NPY1R: variants seen among roughly 807,000 people sequenced by gnomAD.
The protein encoded by NPY1R is neuropeptide Y receptor Y1, also known as neuropeptide Y receptor type 1.
In NPY1R, 10 loss-of-function variants were observed where a neutral mutation model predicts 24.1. That is an observed-to-expected ratio of 0.42 (90% CI 0.26 to 0.71). The LOEUF is 0.71. NPY1R is among the 30% of genes least tolerant of loss of function. NPY1R has a pLI of 0.28. For missense variants in NPY1R, 350 were observed against 458.0 expected (o/e 0.76, Z 2.15); for synonymous variants, 168 against 165.9 (o/e 1.01, Z -0.10).
chr4:163,329,309 G>A (rs1734676262), intron 1 of NPY1R, among the ~76,000 whole-genome samples: 1 of 152,074 alleles, frequency 6.6e-6, no homozygotes, highest in Admixed American at 6.6e-5. Context: ...AACAAAGCAA[G>A]AAAGAGGGAC....
In NPY1R at chr4:163,325,988, A is replaced by G. The variant is rs966733858; in HGVS notation, c.567T>C (p.Leu189=). The change falls in exon 2 of 3, where the codon CTT becomes CTC. Residue 189 remains leucine, a synonymous_variant. Coordinates refer to ENST00000296533, the MANE Select transcript of NPY1R (RefSeq NM_000909.6). ...MTDEPFQNVT[L]DAYKDKYVCF... Reference sequence around the variant, plus strand: ...ACACGTATTTGTCTTTGTACGCATCAAGTGTTACATTTTGGAACGGCTCAT... The same window carrying G: ...ACACGTATTTGTCTTTGTACGCATCGAGTGTTACATTTTGGAACGGCTCAT... The G allele has an allele frequency of 3.7e-6, 6 of 1,614,010 alleles. No homozygotes were observed. The African/African-American group carries it at 4.0e-5, about 11-fold the overall frequency.
intron 1 of NPY1R, among the ~76,000 whole-genome samples, chr4:163,328,087 G>GGTT (rs1553970550): frequency 1.2e-3 from 70 of 57,364 alleles, no homozygotes; most frequent in African/African-American, 2.2e-3. Flanking sequence ...TAGAACATGA[G>GGTT]TTTTTTTTTT....
At chr4:163,336,443 CA>C (rs1734841890), upstream of NPY1R, among the ~76,000 whole-genome samples, 1 of 151,984 alleles carries the variant, frequency 6.6e-6, no homozygotes, top group Admixed American at 6.6e-5. Context: ...TTTGAAGAGA[CA>C]AAATAAAAAT....
At chr4:163,330,579 T>C (rs901541593) in intron 1 of NPY1R, 1 of 152,174 alleles carries the variant, frequency 6.6e-6, no homozygotes, top group Middle Eastern at 3.2e-3. Flanking sequence ...AATTTGATAT[T>C]TACTATTCTA....
rs1734590328 is a variant in NPY1R, at chr4:163,325,749, G to GTA, written c.707_708dup (p.Arg237TyrfsTer3). On this transcript the variant is annotated frameshift_variant, in exon 3 of 3. Transcript: ENST00000296533. LOFTEE classifies it high-confidence loss of function. ...ATCATGTTGTTTCTCCTTTTTAGGC[G>GTA]TATATATATCTATGGAAGAAAAAAG... 2 of 1,588,564 alleles carry GTA rather than the reference G, an allele frequency of 1.3e-6. No individual in the cohort carries two copies. The highest frequency in any genetic ancestry group is 1.7e-6 in the Non-Finnish European group (2 of 1,166,994).
At position 163,326,486 on chromosome 4, in the gene NPY1R, G is replaced by A. The variant is rs76092947; in HGVS notation, c.69C>T (p.Ala23=). ...SVHSNFSEKN[A]QLLAFENDDC... ...CATCATTTTCAAAAGCCAGAAGCTG[G>A]GCATTCTTCTCTGAGAAATTAGAGT... The change falls in exon 2 of 3, where the codon GCC becomes GCT. Residue 23 remains alanine, a synonymous_variant. Transcript: ENST00000296533. 8.1e-6 allele frequency: 13 copies of A among 1,613,220 alleles called. No individual in the cohort carries two copies. Among genetic ancestry groups the A allele is most frequent in the Non-Finnish European group, 1.0e-5 (12 of 1,179,602 alleles).
At chr4:163,329,061 G>A (rs559561078) in intron 1 of NPY1R, among the ~76,000 whole-genome samples, 21 of 152,132 alleles carry the variant, frequency 1.4e-4, no homozygotes, top group South Asian at 6.2e-4. Context: ...CACAACAGCC[G>A]TACTCCTAGG....
chr4:163,334,366 G>C (rs1314081204), upstream of NPY1R, among the ~76,000 whole-genome samples: 3 of 152,200 alleles, frequency 2.0e-5, no homozygotes, highest in Middle Eastern at 3.2e-3. Flanking sequence ...ACTAATAAAG[G>C]CATGTCTGCC....
chr4:163,340,574 A>T (rs1023268889), intron 1 of NPY1R, among the ~76,000 whole-genome samples: 3 of 152,038 alleles, frequency 2.0e-5, no homozygotes, highest in African/African-American at 7.2e-5. Flanking sequence ...TTTTCTACAC[A>T]TATGTTTGTA....
In NPY1R at chr4:163,324,873, G is replaced by A. The variant is rs1000593981; in HGVS notation, c.*430C>T. On this transcript the variant is annotated 3_prime_UTR_variant, in exon 3 of 3. Transcript: ENST00000296533. ...TACTATTGTAACACACTAAAATGAT[G>A]CCTATCATAAAGTAAGGATGGCCCA... is the stretch of plus-strand genomic sequence containing the variant. 10 of 160,776 alleles carry A rather than the reference G, an allele frequency of 6.2e-5. No homozygotes were observed. The highest frequency in any genetic ancestry group is 2.2e-4 in the African/African-American group (9 of 41,566). 10.0% of individuals were successfully genotyped at this position (160,776 alleles called of 1,614,324 possible). A position where few individuals can be genotyped will look rare whatever the true frequency, so the allele number is the denominator to read the frequency against.
At chr4:163,343,076 G>A (rs1191286386) in intron 1 of NPY1R, among the ~76,000 whole-genome samples, 4 of 151,236 alleles carry the variant, frequency 2.6e-5, no homozygotes, top group Non-Finnish European at 5.9e-5. Flanking sequence ...AAGCAAACCT[G>A]CGCAATACAG....
At chr4:163,327,582 C>T (rs1015098051) in intron 1 of NPY1R, among the ~76,000 whole-genome samples, 3 of 152,084 alleles carry the variant, frequency 2.0e-5, no homozygotes, top group Non-Finnish European at 4.4e-5. Context: ...GTGGGAGATT[C>T]TAACTTTAAG....
intron 1 of NPY1R, among the ~76,000 whole-genome samples, chr4:163,331,435 A>C (rs1734724928): frequency 6.6e-6 from 1 of 152,072 alleles, no homozygotes; most frequent in Non-Finnish European, 1.5e-5. Context: ...CACCTTTTTC[A>C]TATTGCGTAA....
intron 1 of NPY1R, among the ~76,000 whole-genome samples, chr4:163,343,024 G>A (rs1735043937): frequency 8.1e-6 from 1 of 123,852 alleles, no homozygotes; most frequent in Non-Finnish European, 1.8e-5. Flanking sequence ...ACACACGCGC[G>A]CGCGCCTAAA....
chr4:163,337,663 A>T (rs546466693), upstream of NPY1R, among the ~76,000 whole-genome samples: 17 of 152,318 alleles, frequency 1.1e-4, no homozygotes, highest in African/African-American at 4.1e-4. Context: ...CATGAGTTGT[A>T]TTCCACTAAG....
Position 163,325,413 on chromosome 4 carries a change from T to C in NPY1R, c.1045A>G (p.Thr349Ala). ...DFRSRDDDYETIAMSTMHTDV... is the reference protein window; with the variant it reads ...DFRSRDDDYEAIAMSTMHTDV... ...GTGTGCATCGTGGACATGGCTATTG[T>C]TTCATAATCATCATCCCGAGACCGG... Residue 349 changes from threonine (T) to alanine (A), a missense_variant, in exon 3 of 3, where the codon ACA becomes GCA. Coordinates refer to ENST00000296533, the MANE Select transcript of NPY1R (RefSeq NM_000909.6). The C allele has an allele frequency of 3.1e-6, 5 of 1,614,150 alleles. No homozygotes were observed. Among genetic ancestry groups the C allele is most frequent in the Non-Finnish European group, 4.2e-6 (5 of 1,179,996 alleles).
intron 1 of NPY1R, among the ~76,000 whole-genome samples, chr4:163,330,034 G>A (rs1460308165): frequency 6.6e-6 from 1 of 152,094 alleles, no homozygotes; most frequent in South Asian, 2.1e-4. Flanking sequence ...CACACTCAAG[G>A]AAAGAGAAGA....
Position 163,325,372 on chromosome 4 carries a change from A to G in NPY1R, c.1086T>C (p.Thr362=). Residue 362 remains threonine, a synonymous_variant, in exon 3 of 3, where the codon ACT becomes ACC. Transcript: ENST00000296533. ...CGACTGGGCTTGCTTGCTTCAAAGA[A>G]GTTTTGGAAACATCTGTGTGCATCG... ...MSTMHTDVSK[T]SLKQASPVAF... is the part of the protein sequence containing the mutation. 2 of 1,613,996 alleles carry G rather than the reference A, an allele frequency of 1.2e-6. No homozygotes were observed. Among genetic ancestry groups the G allele is most frequent in the Non-Finnish European group, 1.7e-6 (2 of 1,179,948 alleles).
Position 163,325,192 on chromosome 4 carries a change from T to A in NPY1R, c.*111A>T. The A allele has an allele frequency of 1.3e-6, 1 of 766,526 alleles. No individual in the cohort carries two copies. Among genetic ancestry groups the A allele is most frequent in the East Asian group, 2.5e-5 (1 of 39,258 alleles). The allele number at this position is 766,526 out of a possible 1,614,324, so 47.5% of individuals were successfully genotyped here. A position where few individuals can be genotyped will look rare whatever the true frequency, so the allele number is the denominator to read the frequency against. On this transcript the variant is annotated 3_prime_UTR_variant, in exon 3 of 3. Coordinates refer to ENST00000296533, the MANE Select transcript of NPY1R (RefSeq NM_000909.6). ...AAGCAAGACAAGAAAATCTTAGTCA[T>A]TTTCAAATGATTTCAACCCCATTCC...
Sources: gnomAD v4.1 joint callset for allele counts (sites outside exome capture counted in the v4.1 genomes callset) on GRCh38, gnomAD v4.1.1 for gene constraint, MANE v1.5 for transcripts, NCBI Gene and HGNC (gene_info 2026-07-23, HGNC 2026-07-21) for gene names.